GPM6B: variants seen among roughly 807,000 people sequenced by gnomAD.
The protein encoded by GPM6B is neuronal membrane glycoprotein M6-b.
Under a neutral mutation model 27.2 loss-of-function variants are expected in GPM6B, and 4 were observed. The ratio of observed to expected loss-of-function variants is 0.15; its 90% CI spans 0.07 to 0.34. The LOEUF (loss-of-function observed/expected upper bound fraction) is 0.34. Ranked by LOEUF, GPM6B falls within the 10% of genes least tolerant of loss-of-function variation. GPM6B has a pLI of 1.00. For synonymous variants in GPM6B, 124 were observed against 103.1 expected, an observed-to-expected ratio of 1.20 and a Z score of -1.23; for missense variants, 183 against 261.9, an observed-to-expected ratio of 0.70 and a Z score of 2.08.
chrX:13,867,620 C>T (rs888051162), intron 1 of GPM6B, among the ~76,000 whole-genome samples: 8 of 111,814 alleles, frequency 7.2e-5, no homozygotes, highest in Admixed American at 6.7e-4. Context: ...TACACATCTT[C>T]GTGACCAAGT....
chrX:13,822,405 GC>G (rs951861671), intron 1 of GPM6B, among the ~76,000 whole-genome samples: 11 of 108,837 alleles, frequency 1.0e-4, no homozygotes, highest in East Asian at 5.7e-4. Flanking sequence ...TCGCGCTGTT[GC>G]CCAGGCTGGA....
chrX:13,836,234 G>A (rs759098994), intron 1 of GPM6B, among the ~76,000 whole-genome samples: 1 of 111,436 alleles, frequency 9.0e-6, no homozygotes, highest in South Asian at 3.8e-4. Flanking sequence ...ACTTCAATCA[G>A]AAAAAAATTA....
At chrX:13,857,753 A>T (rs143041291) in intron 1 of GPM6B, among the ~76,000 whole-genome samples, 23 of 112,823 alleles carry the variant, frequency 2.0e-4, no homozygotes, top group African/African-American at 4.8e-4. Context: ...TCATTATTTC[A>T]ATAAGCATTT....
At chrX:13,853,660 C>G (rs2049747418) in intron 1 of GPM6B, among the ~76,000 whole-genome samples, 1 of 107,333 alleles carries the variant, frequency 9.3e-6, no homozygotes, top group Non-Finnish European at 1.9e-5. Flanking sequence ...ATGCAGACTT[C>G]CTTATGCTCT....
chrX:13,771,751 C>A lies in GPM6B; in HGVS notation c.*1130G>T, dbSNP rs1200364997. ...ACACAATAATGTAAAAGGCAAGTTT[C>A]TTTTGAAAATGGCTTAAACTCAAGC... On this transcript the variant is annotated 3_prime_UTR_variant, in exon 8 of 8. Coordinates refer to ENST00000316715, the MANE Select transcript of GPM6B (RefSeq NM_001001995.3). The A allele has an allele frequency of 6.2e-5, 7 of 112,354 alleles. No individual in the cohort carries two copies. Among genetic ancestry groups the A allele is most frequent in the African/African-American group, 2.3e-4 (7 of 30,909 alleles). 9.3% of individuals were successfully genotyped at this position (112,354 alleles called of 1,213,427 possible). A position where few individuals can be genotyped will look rare whatever the true frequency, so the allele number is the denominator to read the frequency against.
At chrX:13,781,213 C>T (rs2048509782) in intron 4 of GPM6B, among the ~76,000 whole-genome samples, 2 of 111,047 alleles carry the variant, frequency 1.8e-5, no homozygotes. Flanking sequence ...CAGAGGTCCC[C>T]GCTGCGAGCT....
At chrX:13,898,691 T>C (rs1246067097) in intron 1 of GPM6B, among the ~76,000 whole-genome samples, 1 of 112,735 alleles carries the variant, frequency 8.9e-6, no homozygotes, top group African/African-American at 3.2e-5. Context: ...CATTGATTTC[T>C]TTCCATTTAT....
chrX:13,884,230 A>G (rs2050113016), intron 1 of GPM6B, among the ~76,000 whole-genome samples: 1 of 112,805 alleles, frequency 8.9e-6, no homozygotes, highest in African/African-American at 3.2e-5. Flanking sequence ...ATCCATTCAA[A>G]TAATTTTCAA....
intron 1 of GPM6B, among the ~76,000 whole-genome samples, chrX:13,862,183 GCAA>G (rs1012568451): frequency 9.0e-6 from 1 of 111,394 alleles, no homozygotes; most frequent in Non-Finnish European, 1.9e-5. Context: ...AAAAGCAACA[GCAA>G]CAACAACTAC....
intron 1 of GPM6B, among the ~76,000 whole-genome samples, chrX:13,858,026 A>T (rs1313786789): frequency 1.8e-5 from 2 of 112,682 alleles, no homozygotes; most frequent in Non-Finnish European, 3.7e-5. Context: ...CACTGCATGC[A>T]TTGACCATCA....
chrX:13,842,284 C>G (rs953338023), intron 1 of GPM6B, among the ~76,000 whole-genome samples: 3 of 111,937 alleles, frequency 2.7e-5, no homozygotes, highest in Non-Finnish European at 5.6e-5. Context: ...TGTAATTTTC[C>G]TATCATAAAT....
rs762594285 is a variant in GPM6B at position 13,775,769 on chromosome X, A to C, written c.837+469T>G. Among the ~76,000 whole-genome samples the C allele has an allele frequency of 9.7e-4, 109 of 112,682 alleles. 1 individual carries two copies. The highest frequency in any genetic ancestry group is 1.9e-3 in the East Asian group (7 of 3,592). ...CTAGCCATGTATTTCCCCTAGGAGC[A>C]GTGGTCCAGCATTCGCTAATTCATT... On this transcript the variant is annotated intron_variant, in intron 7 of 7. Coordinates refer to ENST00000316715, the MANE Select transcript of GPM6B (RefSeq NM_001001995.3).
intron 1 of GPM6B, among the ~76,000 whole-genome samples, chrX:13,879,117 T>A (rs1195044343): frequency 8.9e-6 from 1 of 112,331 alleles, no homozygotes. Context: ...AGCAGGGATA[T>A]AAGAACAGCC....
chrX:13,851,832 T>A (rs771754009), intron 1 of GPM6B, among the ~76,000 whole-genome samples: 4 of 111,350 alleles, frequency 3.6e-5, no homozygotes, highest in Non-Finnish European at 7.5e-5. Context: ...AGATCATTCA[T>A]TGCTTCTTAA....
At chrX:13,806,980 C>G (rs1298786833) in intron 2 of GPM6B, among the ~76,000 whole-genome samples, 1 of 111,660 alleles carries the variant, frequency 9.0e-6, no homozygotes, top group African/African-American at 3.3e-5. Context: ...ACTGCTTCAC[C>G]TTTTGCCCCT....
intron 7 of GPM6B, among the ~76,000 whole-genome samples, chrX:13,775,541 A>G (rs951949973): frequency 8.9e-6 from 1 of 112,814 alleles, no homozygotes; most frequent in African/African-American, 3.2e-5. Flanking sequence ...CCTAAGTGCA[A>G]GAAGGTTGCA....
intron 4 of GPM6B, 143 bp downstream of exon 4, chrX:13,783,222 T>C: frequency 2.2e-6 from 1 of 455,975 alleles, no homozygotes; most frequent in Non-Finnish European, 3.7e-6. Flanking sequence ...TAGTCCTAAC[T>C]CTAAATTGGT....
chrX:13,842,164 C>G (rs1455869684), intron 1 of GPM6B, among the ~76,000 whole-genome samples: 1 of 112,293 alleles, frequency 8.9e-6, no homozygotes, highest in Non-Finnish European at 1.9e-5. Flanking sequence ...CGCCACAGCA[C>G]CTATTCTAGG....
chrX:13,891,044 G>A (rs1399112154), intron 1 of GPM6B, among the ~76,000 whole-genome samples: 1 of 111,267 alleles, frequency 9.0e-6, no homozygotes, highest in Non-Finnish European at 1.9e-5. Context: ...AAGCTCCCCA[G>A]GTGATCCCAA....
Sources: gnomAD v4.1 joint callset for allele counts (sites outside exome capture counted in the v4.1 genomes callset) on GRCh38, gnomAD v4.1.1 for gene constraint, MANE v1.5 for transcripts, NCBI Gene and HGNC (gene_info 2026-07-23, HGNC 2026-07-21) for gene names.